KANSL1: variants seen among roughly 807,000 people sequenced by gnomAD.
KANSL1 encodes the protein KAT8 regulatory NSL complex subunit 1.
In KANSL1, 22 loss-of-function variants were observed where a neutral mutation model predicts 103.6. The observed-to-expected ratio is 0.21, with a 90% CI of 0.15 to 0.30. The LOEUF (loss-of-function observed/expected upper bound fraction) is 0.30. KANSL1 is among the 10% of genes least tolerant of loss of function. The pLI is 1.00. For synonymous variants in KANSL1, 600 were observed against 527.6 expected, an observed-to-expected ratio of 1.14 and a Z score of -1.88; for missense variants, 1,337 against 1,399.8, an observed-to-expected ratio of 0.96 and a Z score of 0.72.
upstream of KANSL1, among the ~76,000 whole-genome samples, chr17:46,196,976 G>A (rs1004358864): frequency 6.6e-6 from 1 of 152,038 alleles, no homozygotes; most frequent in Non-Finnish European, 1.5e-5. Context: ...TTAGCCGGGG[G>A]TGGTGGCATA....
chr17:46,073,989 A>G (rs2078669635), intron 4 of KANSL1, among the ~76,000 whole-genome samples: 2 of 152,136 alleles, frequency 1.3e-5, no homozygotes, highest in African/African-American at 4.8e-5. Flanking sequence ...AGATACAGAA[A>G]TATAGATGTG....
chr17:46,048,877 GAAAA>G (rs937164596), intron 7 of KANSL1, among the ~76,000 whole-genome samples: 4 of 148,006 alleles, frequency 2.7e-5, no homozygotes, highest in Non-Finnish European at 6.0e-5. Context: ...TTCATTAATT[GAAAA>G]AAAAAACTTC....
intron 2 of KANSL1, among the ~76,000 whole-genome samples, chr17:46,165,703 G>T (rs1212582424): frequency 6.6e-6 from 1 of 151,196 alleles, no homozygotes; most frequent in Non-Finnish European, 1.5e-5. Context: ...TAGAGACGGG[G>T]TTTCACCATG....
chr17:46,047,220 G>C (rs1568384009), intron 7 of KANSL1, among the ~76,000 whole-genome samples: 1 of 152,218 alleles, frequency 6.6e-6, no homozygotes, highest in Non-Finnish European at 1.5e-5. Context: ...TAGGTGGCCA[G>C]AAATGCAATC....
At chr17:46,207,983 C>T (rs1472454952) in intron 1 of KANSL1, among the ~76,000 whole-genome samples, 1 of 151,992 alleles carries the variant, frequency 6.6e-6, no homozygotes, top group African/African-American at 2.4e-5. Flanking sequence ...TGATGGTAGG[C>T]GCCTGTAATA....
At chr17:46,189,860 T>C (rs1195295010) in intron 1 of KANSL1, among the ~76,000 whole-genome samples, 1 of 137,902 alleles carries the variant, frequency 7.3e-6, no homozygotes. Flanking sequence ...TGAGCTGAGA[T>C]AGCACCACTG....
intron 1 of KANSL1, among the ~76,000 whole-genome samples, chr17:46,208,006 G>A (rs2048029772): frequency 6.6e-6 from 1 of 151,974 alleles, no homozygotes; most frequent in South Asian, 2.1e-4. Flanking sequence ...AGCTACTGGG[G>A]AAGCTGAGGC....
intron 7 of KANSL1, chr17:46,044,017 G>C (rs144324202): frequency 9.3e-5 from 14 of 150,944 alleles, no homozygotes; most frequent in African/African-American, 3.4e-4. Flanking sequence ...GATATCTTAG[G>C]AATTGCTGGT....
intron 4 of KANSL1, among the ~76,000 whole-genome samples, chr17:46,071,473 A>G (rs893101997): frequency 9.8e-5 from 15 of 152,354 alleles, no homozygotes; most frequent in African/African-American, 2.4e-4. Context: ...AAAGAAAAAC[A>G]TAACACACAA....
chr17:46,152,587 G>GC (rs1425185214), intron 2 of KANSL1, among the ~76,000 whole-genome samples: 2 of 145,466 alleles, frequency 1.4e-5, no homozygotes, highest in Admixed American at 1.4e-4. Context: ...CACAAAGGGG[G>GC]GGGGGGGATT....
At chr17:46,117,261 T>C (rs934733617) in intron 2 of KANSL1, among the ~76,000 whole-genome samples, 2 of 152,226 alleles carry the variant, frequency 1.3e-5, no homozygotes, top group African/African-American at 2.4e-5. Context: ...TGAACAGCCA[T>C]GTGCACACAG....
intron 2 of KANSL1, among the ~76,000 whole-genome samples, chr17:46,108,026 T>C (rs947267837): frequency 6.6e-6 from 1 of 152,072 alleles, no homozygotes; most frequent in East Asian, 1.9e-4. Context: ...AGCCTCTAAA[T>C]GGGCTTCTAG....
chr17:46,118,771 C>G (rs55776164), intron 2 of KANSL1, among the ~76,000 whole-genome samples: 854 of 152,202 alleles, frequency 5.6e-3, no homozygotes, highest in South Asian at 0.011. Context: ...GAAAAGCCGA[C>G]GGATAAACAA....
chr17:46,124,932 C>T (rs2043448324), intron 2 of KANSL1, among the ~76,000 whole-genome samples: 1 of 149,700 alleles, frequency 6.7e-6, no homozygotes, highest in South Asian at 2.1e-4. Context: ...AAAGTAACTG[C>T]AGATGAGGAA....
At chr17:46,099,539 G>A (rs2042223999) in intron 2 of KANSL1, among the ~76,000 whole-genome samples, 1 of 152,196 alleles carries the variant, frequency 6.6e-6, no homozygotes, top group South Asian at 2.1e-4. Context: ...TAAGGTTGCA[G>A]AATAATACTT....
At chr17:46,204,947 T>G (rs1477337880) in intron 1 of KANSL1, among the ~76,000 whole-genome samples, 3 of 152,174 alleles carry the variant, frequency 2.0e-5, no homozygotes, top group African/African-American at 7.2e-5. Flanking sequence ...ATCTTCAATC[T>G]AATAAAAAAT....
In KANSL1 at chr17:46,210,546, C is replaced by T. The variant is rs560649013; in HGVS notation, c.-90+13125G>A. On this transcript the variant is annotated intron_variant, in intron 1 of 14. Coordinates refer to the KANSL1 transcript ENST00000572904. Reference sequence around the variant, plus strand: ...ATGAGAACATTTACTGTAGACTGGACATAACTGAGACACAGAAAATTATAG... The same window carrying T: ...ATGAGAACATTTACTGTAGACTGGATATAACTGAGACACAGAAAATTATAG... Among the ~76,000 whole-genome samples the T allele has an allele frequency of 3.4e-5, 5 of 148,468 alleles. No homozygotes were observed. In the South Asian group the frequency reaches 1.1e-3, roughly 32 times the overall value.
intron 7 of KANSL1, among the ~76,000 whole-genome samples, chr17:46,048,124 T>C (rs1245738444): frequency 6.6e-6 from 1 of 151,898 alleles, no homozygotes; most frequent in Admixed American, 6.6e-5. Context: ...CCCATGCTGG[T>C]CTCAAACTTC....
intron 1 of KANSL1, among the ~76,000 whole-genome samples, chr17:46,217,977 T>C (rs1402693160): frequency 1.3e-5 from 2 of 151,566 alleles, no homozygotes; most frequent in African/African-American, 4.9e-5. Context: ...AGTGAACCGA[T>C]ATTATGCCAC....
Sources: allele counts gnomAD v4.1 joint callset (sites outside exome capture counted in the v4.1 genomes callset), GRCh38; gene constraint gnomAD v4.1.1; transcripts MANE v1.5; gene names NCBI Gene and HGNC (gene_info 2026-07-23, HGNC 2026-07-21).